The following SH3BP5 variants were observed in gnomAD, a reference collection of about 807,000 sequenced individuals.
SH3BP5 encodes the protein SH3 domain-binding protein 5.
In SH3BP5, 22 loss-of-function variants were observed where a neutral mutation model predicts 43.3. That is an observed-to-expected ratio of 0.51 (90% CI 0.36 to 0.73). SH3BP5 has a LOEUF of 0.73. Among genes scored for constraint, SH3BP5 ranks in the 30% least tolerant of loss-of-function variants. The probability of loss-of-function intolerance (pLI) is 0.00; values close to 1 mark genes in which losing one functional copy is unlikely to be tolerated. For missense variants in SH3BP5, 529 were observed against 586.9 expected (o/e 0.90, Z 1.02); for synonymous variants, 255 against 225.8 (o/e 1.13, Z -1.16).
At chr3:15,336,960 C>T (rs1698706949), upstream of SH3BP5, among the ~76,000 whole-genome samples, 1 of 152,136 alleles carries the variant, frequency 6.6e-6, no homozygotes, top group East Asian at 1.9e-4. Context: ...GGCATAATCC[C>T]AACCCTGGTT....
intron 3 of SH3BP5, among the ~76,000 whole-genome samples, chr3:15,296,366 A>ACC (rs1288956340): frequency 5.3e-5 from 8 of 151,442 alleles, no homozygotes; most frequent in African/African-American, 2.0e-4. Flanking sequence ...ACACACACAC[A>ACC]CACCCCTATC....
chr3:15,314,088 C>T (rs139770529), intron 2 of SH3BP5, among the ~76,000 whole-genome samples: 240 of 151,526 alleles, frequency 1.6e-3, no homozygotes, highest in South Asian at 0.012. Context: ...GGTGACAGAG[C>T]GAGACTCTGT....
upstream of SH3BP5, among the ~76,000 whole-genome samples, chr3:15,332,907 CCTACG>C (rs1163580786): frequency 6.6e-6 from 1 of 152,206 alleles, no homozygotes; most frequent in Non-Finnish European, 1.5e-5. Flanking sequence ...CCTTCTGAAG[CCTACG>C]CTCAGTGACC....
intron 2 of SH3BP5, among the ~76,000 whole-genome samples, chr3:15,313,694 C>T (rs2125124210): frequency 6.6e-6 from 1 of 152,358 alleles, no homozygotes; most frequent in East Asian, 1.9e-4. Flanking sequence ...GCTGACGGAA[C>T]TTCTGTGACG....
chr3:15,258,394 C>A (rs552160681), intron 7 of SH3BP5, among the ~76,000 whole-genome samples: 1 of 151,946 alleles, frequency 6.6e-6, no homozygotes, highest in African/African-American at 2.4e-5. Flanking sequence ...CCACCCTACA[C>A]AACGGATAGT....
At chr3:15,259,890 A>G in intron 5 of SH3BP5, 87 bp from the exon 6 acceptor site, 3 of 1,209,756 alleles carry the variant, frequency 2.5e-6, no homozygotes, top group Non-Finnish European at 3.7e-6. Flanking sequence ...GGCATCAGCT[A>G]CCACTGGCCA....
intron 3 of SH3BP5, among the ~76,000 whole-genome samples, chr3:15,295,544 A>G (rs896313168): frequency 1.3e-5 from 2 of 152,210 alleles, no homozygotes; most frequent in African/African-American, 4.8e-5. Flanking sequence ...TCCTAAGTAC[A>G]AGAAGGCTGT....
rs112066433 is a variant in SH3BP5, at chr3:15,327,402, G to GA, written c.201+3101dup. Among the ~76,000 whole-genome samples the GA allele has an allele frequency of 8.9e-3, 1,306 of 146,920 alleles. 11 individuals are homozygous for GA. The highest frequency in any genetic ancestry group is 0.014 in the Middle Eastern group (4 of 288). ...GCGACAGCGTGAGACTCCGTCTCAG[G>GA]AAAAAAAAAACAAAACAAAACACTT... On this transcript the variant is annotated intron_variant, in intron 2 of 8. Transcript: ENST00000383791.
intron 7 of SH3BP5, chr3:15,257,484 T>A (rs1696255887): frequency 5.6e-6 from 1 of 177,322 alleles, no homozygotes; most frequent in Non-Finnish European, 1.2e-5. Context: ...GTTCTAGTCC[T>A]CTGTAACATA....
intron 3 of SH3BP5, among the ~76,000 whole-genome samples, chr3:15,283,404 G>A (rs1697181442): frequency 1.3e-5 from 2 of 152,126 alleles, no homozygotes; most frequent in Admixed American, 1.3e-4. Flanking sequence ...CTCAAAAAAA[G>A]GAAAAGAAAT....
upstream of SH3BP5, chr3:15,333,135 G>A: frequency 1.0e-6 from 1 of 985,478 alleles, no homozygotes; most frequent in Non-Finnish European, 1.2e-6. Flanking sequence ...GATTTAAGGA[G>A]GTGGCAAGTG....
intron 3 of SH3BP5, among the ~76,000 whole-genome samples, chr3:15,297,393 G>A (rs769761303): frequency 1.3e-5 from 2 of 152,108 alleles, no homozygotes; most frequent in Admixed American, 1.3e-4. Flanking sequence ...GTTCTTTGTG[G>A]TGGTGATCTT....
chr3:15,270,787 A>G (rs570737227), intron 3 of SH3BP5, among the ~76,000 whole-genome samples: 1 of 152,136 alleles, frequency 6.6e-6, no homozygotes, highest in Admixed American at 6.5e-5. Context: ...TTAGCCAGGC[A>G]TGGTGGTGGG....
intron 5 of SH3BP5, among the ~76,000 whole-genome samples, 165 bp downstream of exon 5, chr3:15,261,994 A>C (rs1696460254): frequency 6.6e-6 from 1 of 152,094 alleles, no homozygotes; most frequent in African/African-American, 2.4e-5. Flanking sequence ...GGGTCATAGA[A>C]TATTAGGGGG....
chr3:15,257,215 A>G, intron 7 of SH3BP5, 102 bp from the exon 8 acceptor site: 3 of 1,226,142 alleles, frequency 2.4e-6, no homozygotes, highest in East Asian at 4.7e-5. Context: ...GGGGGACTAA[A>G]GAGTCTCTAC....
In SH3BP5 at chr3:15,258,900, C is replaced by G; in HGVS notation, c.820G>C (p.Gly274Arg). 1.2e-6 allele frequency: 2 copies of G among 1,614,238 alleles called. No individual in the cohort carries two copies. Among genetic ancestry groups the G allele is most frequent in the Non-Finnish European group, 1.7e-6 (2 of 1,180,036 alleles). ...ACAGATGTGCTGCTGCCCTCAGCACCAACACCGCATCCCCGAGGCCCCATG... is the reference window on the plus strand; with the variant it reads ...ACAGATGTGCTGCTGCCCTCAGCACGAACACCGCATCCCCGAGGCCCCATG... Reference protein sequence around the residue: ...SAMGPRGCGVGAEGSSTSVED... With the variant: ...SAMGPRGCGVRAEGSSTSVED... Residue 274 changes from glycine to arginine, a missense_variant, in exon 7 of 9, where the codon GGT becomes CGT. Gly to Arg is a moderately radical substitution (Grantham distance 125). Transcript: ENST00000383791.
intron 2 of SH3BP5, among the ~76,000 whole-genome samples, chr3:15,314,831 C>A (rs1698147668): frequency 6.6e-6 from 1 of 152,214 alleles, no homozygotes; most frequent in South Asian, 2.1e-4. Flanking sequence ...GAGTCCTTTT[C>A]TTTTCCCATC....
upstream of SH3BP5, among the ~76,000 whole-genome samples, chr3:15,334,570 A>G (rs1255835912): frequency 2.1e-5 from 2 of 94,540 alleles, no homozygotes; most frequent in Non-Finnish European, 4.4e-5. Context: ...TGCTCTCTAG[A>G]AAAAAAAAAA....
intron 3 of SH3BP5, among the ~76,000 whole-genome samples, chr3:15,271,938 C>T (rs187961928): frequency 7.2e-5 from 11 of 151,964 alleles, no homozygotes; most frequent in East Asian, 3.9e-4. Flanking sequence ...GCCTCTGCAG[C>T]GTCCCACCAC....
Sources: allele counts gnomAD v4.1 joint callset (sites outside exome capture counted in the v4.1 genomes callset), GRCh38; gene constraint gnomAD v4.1.1; transcripts MANE v1.5; gene names NCBI Gene and HGNC (gene_info 2026-07-23, HGNC 2026-07-21).